MYO18B: variants seen among roughly 807,000 people sequenced by gnomAD.
The protein encoded by MYO18B is myosin XVIIIB.
A neutral mutation model predicts 273.0 loss-of-function variants in MYO18B; 204 were observed. The observed-to-expected ratio is 0.75, with a 90% CI of 0.67 to 0.84. The LOEUF is 0.84. Ranked by LOEUF, MYO18B falls within the 40% of genes least tolerant of loss-of-function variation. MYO18B has a pLI of 0.00. For missense variants in MYO18B, 3,212 were observed against 3,287.6 expected, an observed-to-expected ratio of 0.98 and a Z score of 0.56; for synonymous variants, 1,330 against 1,305.7, an observed-to-expected ratio of 1.02 and a Z score of -0.40.
chr22:25,786,537 C>CA (rs1225047373), intron 11 of MYO18B, among the ~76,000 whole-genome samples: 1 of 147,276 alleles, frequency 6.8e-6, no homozygotes, highest in East Asian at 2.0e-4. Flanking sequence ...CTAAAATTAA[C>CA]AAAAAATGAG....
At chr22:25,871,428 C>T (rs578107997) in intron 22 of MYO18B, among the ~76,000 whole-genome samples, 1 of 152,326 alleles carries the variant, frequency 6.6e-6, no homozygotes, top group African/African-American at 2.4e-5. Context: ...TTAAACTCCT[C>T]TAATCTGTAA....
rs1569224982 is a variant in MYO18B at position 25,948,439 on chromosome 22, C to CT, written c.5748+613dup. 4.0e-3 allele frequency among the ~76,000 whole-genome samples: 421 copies of CT among 106,312 alleles called. 1 individual carries two copies. The highest frequency in any genetic ancestry group is 0.014 in the African/African-American group (335 of 24,374). 69.7% of individuals were successfully genotyped at this position (106,312 alleles called of 152,430 possible). On this transcript the variant is annotated intron_variant, in intron 36 of 43. Coordinates refer to ENST00000335473, the MANE Select transcript of MYO18B (RefSeq NM_032608.7). ...CCTTCCTTCCTTCCTTCCTTCCTTC[C>CT]TTCCTTCCTTCCTTCCTTCCTTCTT...
Position 25,877,880 on chromosome 22 carries a change from G to A in MYO18B, c.4225-79G>A, listed in dbSNP as rs1234391966. ...TTATTCCTCCTAACGGAAACTTTGT[G>A]CCGTTTGCTCACTCCTAACACAGGT... is the stretch of plus-strand genomic sequence containing the variant. On this transcript the variant is annotated intron_variant, in intron 24 of 43. Coordinates refer to ENST00000335473, the MANE Select transcript of MYO18B (RefSeq NM_032608.7). 114 of 1,121,304 alleles carry A rather than the reference G, an allele frequency of 1.0e-4. No homozygotes were observed. The South Asian group carries it at 1.6e-3, about 16-fold the overall frequency. 69.5% of individuals were successfully genotyped at this position (1,121,304 alleles called of 1,614,324 possible).
At chr22:26,007,181 G>A (rs549860680) in intron 42 of MYO18B, among the ~76,000 whole-genome samples, 4 of 152,212 alleles carry the variant, frequency 2.6e-5, no homozygotes, top group Non-Finnish European at 5.9e-5. Context: ...TTTCTTGTCT[G>A]TCTTCCTCAT....
chr22:25,842,564 G>A (rs1221478852), intron 17 of MYO18B, among the ~76,000 whole-genome samples: 2 of 151,452 alleles, frequency 1.3e-5, no homozygotes, highest in African/African-American at 4.9e-5. Context: ...CCCAGCTACT[G>A]AGGAGGCTGA....
At chr22:25,779,436 G>A (rs2087046953) in intron 8 of MYO18B, among the ~76,000 whole-genome samples, 1 of 152,168 alleles carries the variant, frequency 6.6e-6, no homozygotes, top group Non-Finnish European at 1.5e-5. Flanking sequence ...GGGCTATACT[G>A]CTTCTCCACT....
chr22:25,901,381 A>G (rs572876667), intron 29 of MYO18B: 3 of 152,292 alleles, frequency 2.0e-5, no homozygotes, highest in African/African-American at 4.8e-5. Flanking sequence ...AGCCTTCTCT[A>G]TCGGTTTCCT....
At chr22:25,839,208 G>A (rs1047957164) in intron 17 of MYO18B, among the ~76,000 whole-genome samples, 11 of 151,692 alleles carry the variant, frequency 7.3e-5, no homozygotes, top group Middle Eastern at 3.2e-3. Flanking sequence ...ATGTGTGCAC[G>A]TGTGTATATG....
At chr22:25,990,733 A>G (rs555952779) in intron 39 of MYO18B, among the ~76,000 whole-genome samples, 1,999 of 103,234 alleles carry the variant, frequency 0.019, 188 homozygotes, top group African/African-American at 0.08. Context: ...AAAAGAAAAA[A>G]AAAAAGACTC....
chr22:25,793,872 A>T (rs998231963), intron 11 of MYO18B, among the ~76,000 whole-genome samples: 1 of 152,240 alleles, frequency 6.6e-6, no homozygotes, highest in South Asian at 2.1e-4. Context: ...ATAAAAGTGT[A>T]TAACGTATAC....
chr22:25,814,243 A>G (rs983694553), intron 12 of MYO18B, among the ~76,000 whole-genome samples: 1 of 147,656 alleles, frequency 6.8e-6, no homozygotes, highest in African/African-American at 2.5e-5. Flanking sequence ...CTCCTAAATA[A>G]TAACAGTAGC....
chr22:26,027,267 C>T lies in MYO18B; in HGVS notation c.7293C>T (p.Leu2431=), dbSNP rs1264656613. Reference sequence around the variant, plus strand: ...CATTCAGCTGGAAACTCCCAAGCCTCGACTACGAACGCAAGACCAAAGTGG... The same window carrying T: ...CATTCAGCTGGAAACTCCCAAGCCTTGACTACGAACGCAAGACCAAAGTGG... ...SDPFSWKLPS[L]DYERKTKVDF... is the part of the protein sequence containing the mutation. The change falls in exon 43 of 44, where the codon CTC becomes CTT. Residue 2431 remains leucine, a synonymous_variant. Coordinates refer to ENST00000335473, the MANE Select transcript of MYO18B (RefSeq NM_032608.7). The surrounding 1 kb of genome is among the most constrained non-coding windows in gnomAD (Gnocchi z 4.1). The T allele has an allele frequency of 3.7e-6, 6 of 1,613,992 alleles. No individual in the cohort carries two copies. Among genetic ancestry groups the T allele is most frequent in the Admixed American group, 1.7e-5 (1 of 60,030 alleles).
At chr22:26,060,942 C>T in the MYO18B span, among the ~76,000 whole-genome samples, 2 of 152,088 alleles carry the variant, frequency 1.3e-5, no homozygotes, top group Non-Finnish European at 2.9e-5. Flanking sequence ...CACACATACA[C>T]ATGCACACAC....
chr22:25,891,536 G>T, intron 27 of MYO18B, 124 bp downstream of exon 27: 1 of 643,770 alleles, frequency 1.6e-6, no homozygotes, highest in Non-Finnish European at 2.8e-6. Flanking sequence ...GACTTTGGCA[G>T]AGCAAACAGG....
chr22:26,001,213 T>A (rs1191715502), intron 40 of MYO18B, among the ~76,000 whole-genome samples: 1 of 152,168 alleles, frequency 6.6e-6, no homozygotes, highest in Non-Finnish European at 1.5e-5. Context: ...ATCTTCCTGT[T>A]AAGGTAGAAA....
chr22:25,826,933 C>T (rs1041415141), intron 14 of MYO18B, among the ~76,000 whole-genome samples: 1 of 151,886 alleles, frequency 6.6e-6, no homozygotes, highest in Admixed American at 6.6e-5. Flanking sequence ...TGGTGGTGGG[C>T]GCCTGTAATC....
chr22:25,792,692 A>G (rs1236338787), intron 11 of MYO18B, among the ~76,000 whole-genome samples: 1 of 151,436 alleles, frequency 6.6e-6, no homozygotes, highest in African/African-American at 2.4e-5. Context: ...ACGGGGTTTC[A>G]CCATTTTTGC....
intron 23 of MYO18B, among the ~76,000 whole-genome samples, 143 bp from the exon 24 acceptor site, chr22:25,876,028 GTGTGTGTGTGTGTGTGTA>G (rs941183420): frequency 4.8e-5 from 7 of 146,090 alleles, no homozygotes; most frequent in African/African-American, 7.9e-5. Flanking sequence ...GTGTGTGTGT[GTGTGTGTGTGTGTGTGTA>G]TGTGTTTTAA....
chr22:26,057,988 G>A, the MYO18B span, among the ~76,000 whole-genome samples: 4 of 152,116 alleles, frequency 2.6e-5, no homozygotes, highest in African/African-American at 9.7e-5. Flanking sequence ...GCTGAACCTG[G>A]ATGTGGCTCC....
Sources: gnomAD v4.1 joint callset for allele counts (sites outside exome capture counted in the v4.1 genomes callset) on GRCh38, gnomAD v4.1.1 for gene constraint, Gnocchi (gnomAD v3.1) non-coding constraint, MANE v1.5 for transcripts, NCBI Gene and HGNC (gene_info 2026-07-23, HGNC 2026-07-21) for gene names.